The following STEAP3 variants were observed in gnomAD, a reference collection of about 807,000 sequenced individuals.
STEAP3 encodes the protein STEAP3 metalloreductase.
A neutral mutation model predicts 34.9 loss-of-function variants in STEAP3; 35 were observed. The observed-to-expected ratio is 1.00, with a 90% CI of 0.76 to 1.33. The LOEUF (loss-of-function observed/expected upper bound fraction) is 1.33, where lower values mean the gene tolerates loss of function less well. Among genes scored for constraint, STEAP3 ranks in the 40% most tolerant of loss-of-function variants. The pLI is 0.00. For synonymous variants in STEAP3, 281 were observed against 301.6 expected (o/e 0.93, Z 0.71); for missense variants, 652 against 667.6 (o/e 0.98, Z 0.26).
chr2:119,233,487 G>A (rs1354836743), intron 2 of STEAP3, among the ~76,000 whole-genome samples: 1 of 152,162 alleles, frequency 6.6e-6, no homozygotes, highest in African/African-American at 2.4e-5. Context: ...GAGTACAAGA[G>A]AGCCCCAGCT....
At chr2:119,251,013 G>C (rs907194312) in intron 4 of STEAP3, among the ~76,000 whole-genome samples, 1 of 152,144 alleles carries the variant, frequency 6.6e-6, no homozygotes, top group Non-Finnish European at 1.5e-5. Flanking sequence ...GGGAGGCAGG[G>C]GCTTGACACA....
At chr2:119,248,835 T>A (rs925154851) in intron 4 of STEAP3, 1 of 152,248 alleles carries the variant, frequency 6.6e-6, no homozygotes, top group African/African-American at 2.4e-5. Context: ...TTTAAGTGGT[T>A]CTCTCTGGTT....
chr2:119,251,790 G>A (rs1677634455), intron 4 of STEAP3, among the ~76,000 whole-genome samples: 2 of 152,038 alleles, frequency 1.3e-5, no homozygotes, highest in South Asian at 4.2e-4. Flanking sequence ...ATTCCTCTCG[G>A]CTTGGAACGC....
rs2104843402 is a variant in STEAP3 at position 119,256,980 on chromosome 2, C to T, written c.1215+2132C>T. ...GGGTATCTGGCCACATTTCCATTATCTCTGACTAAGGTACCAACCACCGAT... is the reference window on the plus strand; with the variant it reads ...GGGTATCTGGCCACATTTCCATTATTTCTGACTAAGGTACCAACCACCGAT... On this transcript the variant is annotated intron_variant, in intron 5 of 5. Transcript: ENST00000393110. Among the ~76,000 whole-genome samples the T allele has an allele frequency of 2.6e-5, 4 of 152,300 alleles. No homozygotes were observed. In the South Asian group the frequency reaches 8.3e-4, roughly 32 times the overall value.
At chr2:119,235,297 A>G (rs1372051633) in intron 2 of STEAP3, among the ~76,000 whole-genome samples, 3 of 152,190 alleles carry the variant, frequency 2.0e-5, no homozygotes, top group Admixed American at 6.5e-5. Context: ...GAGCATATGC[A>G]TGTGACCCTC....
intron 4 of STEAP3, chr2:119,249,151 T>C (rs74808598): frequency 0.055 from 8,370 of 152,252 alleles, 285 homozygotes; most frequent in Middle Eastern, 0.11. Flanking sequence ...AGGTTTGTTG[T>C]TGTTGTTGTT....
At chr2:119,224,235 G>C (rs556895023) in intron 1 of STEAP3, among the ~76,000 whole-genome samples, 110 of 152,326 alleles carry the variant, frequency 7.2e-4, no homozygotes, top group African/African-American at 2.5e-3. Flanking sequence ...GGTCCCGTGT[G>C]CCCCACGGCT....
rs574947334 is a variant in STEAP3, at chr2:119,232,351, G to A, written c.22+1317G>A. ...AGTTTTCTCTTCTGCAAAGTAGAAG[G>A]AATTATAGCCTTCTGCAGGTCAAAC... On this transcript the variant is annotated intron_variant, in intron 2 of 5. Coordinates refer to ENST00000393110, the MANE Select transcript of STEAP3 (RefSeq NM_182915.3). Among the ~76,000 whole-genome samples the A allele has an allele frequency of 2.6e-5, 4 of 152,276 alleles. No homozygotes were observed. In the South Asian group the frequency reaches 6.2e-4, roughly 24 times the overall value.
chr2:119,224,260 C>G (rs1678967398), intron 1 of STEAP3, among the ~76,000 whole-genome samples: 1 of 152,216 alleles, frequency 6.6e-6, no homozygotes, highest in Non-Finnish European at 1.5e-5. Context: ...CTCTGGCCAG[C>G]GGTCCCAAAG....
At chr2:119,234,872 C>T (rs1056163482) in intron 2 of STEAP3, among the ~76,000 whole-genome samples, 4 of 152,208 alleles carry the variant, frequency 2.6e-5, no homozygotes, top group Non-Finnish European at 4.4e-5. Context: ...TTGGGCTTTC[C>T]TCTTCCCCTT....
intron 4 of STEAP3, among the ~76,000 whole-genome samples, chr2:119,253,623 G>T (rs1677689344): frequency 6.6e-6 from 1 of 152,206 alleles, no homozygotes; most frequent in African/African-American, 2.4e-5. Context: ...ATTTCACAGT[G>T]TTTCACAGAG....
intron 4 of STEAP3, chr2:119,249,113 A>G: frequency 6.6e-6 from 1 of 152,494 alleles, no homozygotes; most frequent in Non-Finnish European, 1.5e-5. Context: ...GAGATGGGGA[A>G]GGCTGCAGGA....
chr2:119,244,412 T>C (rs1573556557), intron 2 of STEAP3: 2 of 151,642 alleles, frequency 1.3e-5, no homozygotes, highest in South Asian at 4.2e-4. Flanking sequence ...AATTTTTTTT[T>C]TATTTTTTTA....
intron 2 of STEAP3, among the ~76,000 whole-genome samples, chr2:119,242,972 A>G (rs537885474): frequency 7.9e-5 from 12 of 152,142 alleles, no homozygotes; most frequent in Non-Finnish European, 1.5e-4. Context: ...CCCACCACCC[A>G]GGAAACGCTC....
Position 119,254,792 on chromosome 2 carries a change from A to G in STEAP3, c.1159A>G (p.Thr387Ala), listed in dbSNP as rs1405338277. 3 of 1,613,942 alleles carry G rather than the reference A, an allele frequency of 1.9e-6. No individual in the cohort carries two copies. In the Admixed American group the frequency reaches 5.0e-5, roughly 27 times the overall value. ...CGGCACGTTGTCCCTGCTGGCCGTG[A>G]CCTCACTGCCGTCCATTGCAAACTC... ...ALGTLSLLAV[T>A]SLPSIANSLN... The change falls in exon 5 of 6, where the codon ACC (threonine) becomes GCC (alanine). Residue 387 changes from threonine (T) to alanine (A), a missense_variant. Transcript: ENST00000393110.
intron 1 of STEAP3, among the ~76,000 whole-genome samples, chr2:119,225,791 A>G (rs1015440231): frequency 3.3e-5 from 5 of 152,242 alleles, no homozygotes; most frequent in African/African-American, 9.6e-5. Context: ...ACCCCGTAAC[A>G]TGAAGCCCTC....
At chr2:119,225,093 G>T (rs1678998102) in intron 1 of STEAP3, among the ~76,000 whole-genome samples, 1 of 152,124 alleles carries the variant, frequency 6.6e-6, no homozygotes, top group South Asian at 2.1e-4. Flanking sequence ...AAAACCAAAG[G>T]GTCTCACCTG....
At chr2:119,249,917 C>T (rs966683614) in intron 4 of STEAP3, among the ~76,000 whole-genome samples, 5 of 152,324 alleles carry the variant, frequency 3.3e-5, no homozygotes, top group South Asian at 2.1e-4. Context: ...AACAAGAGCT[C>T]GCTGTGTTCC....
chr2:119,237,381 G>A (rs1677122065), intron 2 of STEAP3, among the ~76,000 whole-genome samples: 1 of 152,136 alleles, frequency 6.6e-6, no homozygotes, highest in African/African-American at 2.4e-5. Context: ...AGGGTAGGGA[G>A]GTGGCAGGCT....
Sources: gnomAD v4.1 joint callset for allele counts (sites outside exome capture counted in the v4.1 genomes callset) on GRCh38, gnomAD v4.1.1 for gene constraint, MANE v1.5 for transcripts, NCBI Gene and HGNC (gene_info 2026-07-23, HGNC 2026-07-21) for gene names.